Variants in LRBA observed in about 807,000 individuals in gnomAD.
LRBA encodes lipopolysaccharide-responsive and beige-like anchor protein.
Under a neutral mutation model 330.0 loss-of-function variants are expected in LRBA, and 176 were observed. The ratio of observed to expected loss-of-function variants is 0.53; its 90% CI spans 0.47 to 0.60. LRBA has a LOEUF of 0.60. Ranked by LOEUF, LRBA falls within the 20% of genes least tolerant of loss-of-function variation. The pLI is 0.00. For missense variants in LRBA, 3,259 were observed against 3,444.8 expected (o/e 0.95, Z 1.35); for synonymous variants, 1,230 against 1,193.0 (o/e 1.03, Z -0.64).
intron 37 of LRBA, among the ~76,000 whole-genome samples, chr4:150,622,616 A>G (rs994153520): frequency 3.3e-5 from 5 of 151,930 alleles, no homozygotes; most frequent in African/African-American, 4.8e-5. Context: ...CTTCCGGGGG[A>G]AAATGCGGGA....
intron 29 of LRBA, among the ~76,000 whole-genome samples, chr4:150,830,906 G>A (rs1389697125): frequency 6.6e-6 from 1 of 151,772 alleles, no homozygotes; most frequent in Non-Finnish European, 1.5e-5. Context: ...TGGGATTACA[G>A]GCACCCACCA....
chr4:150,382,756 A>C (rs986355340), intron 47 of LRBA, among the ~76,000 whole-genome samples: 1 of 152,200 alleles, frequency 6.6e-6, no homozygotes, highest in African/African-American at 2.4e-5. Flanking sequence ...ATTAACATAG[A>C]TCTTCAAAAG....
At chr4:150,339,488 C>T (rs1483393503) in intron 48 of LRBA, among the ~76,000 whole-genome samples, 1 of 152,164 alleles carries the variant, frequency 6.6e-6, no homozygotes, top group African/African-American at 2.4e-5. Flanking sequence ...GATTCTTTCC[C>T]CCTGAAAAGG....
intron 35 of LRBA, among the ~76,000 whole-genome samples, chr4:150,742,947 T>A (rs1420022199): frequency 6.6e-6 from 1 of 152,068 alleles, no homozygotes; most frequent in Non-Finnish European, 1.5e-5. Flanking sequence ...TAAACTTGGA[T>A]CCAAAGCAAT....
chr4:150,839,671 G>A (rs564823152), intron 28 of LRBA, among the ~76,000 whole-genome samples: 19 of 152,244 alleles, frequency 1.2e-4, no homozygotes, highest in Middle Eastern at 3.4e-3. Flanking sequence ...CTCACTCATA[G>A]GTGGGAATTG....
intron 2 of LRBA, among the ~76,000 whole-genome samples, chr4:151,008,078 TC>T (rs1744326832): frequency 6.6e-6 from 1 of 151,776 alleles, no homozygotes; most frequent in Non-Finnish European, 1.5e-5. Context: ...GAAGTTTTTT[TC>T]TTTTTTTTTT....
chr4:150,971,410 G>A (rs1242894043), intron 2 of LRBA, among the ~76,000 whole-genome samples: 2 of 152,088 alleles, frequency 1.3e-5, no homozygotes, highest in Non-Finnish European at 2.9e-5. Flanking sequence ...TCCTTCAGGG[G>A]TCTAGGCATT....
intron 29 of LRBA, among the ~76,000 whole-genome samples, chr4:150,830,720 C>G (rs1394599161): frequency 6.6e-6 from 1 of 151,702 alleles, no homozygotes; most frequent in Non-Finnish European, 1.5e-5. Flanking sequence ...TTATCCTTGC[C>G]CTCTACGCTA....
chr4:150,448,523 C>A (rs369196497), intron 44 of LRBA, among the ~76,000 whole-genome samples: 1 of 152,014 alleles, frequency 6.6e-6, no homozygotes, highest in Non-Finnish European at 1.5e-5. Context: ...AGAAGAAGGC[C>A]GGGCGTGGCG....
At chr4:150,272,998 C>A (rs1746322748) in intron 56 of LRBA, among the ~76,000 whole-genome samples, 1 of 151,940 alleles carries the variant, frequency 6.6e-6, no homozygotes, top group Non-Finnish European at 1.5e-5. Flanking sequence ...AACTCCAGGA[C>A]ACATAATCAT....
chr4:150,773,277 C>T lies in LRBA; in HGVS notation c.5581-11430G>A, dbSNP rs578057876. On this transcript the variant is annotated intron_variant, in intron 34 of 56. Coordinates refer to ENST00000651943, the MANE Select transcript of LRBA (RefSeq NM_001364905.1). ...AAATTATGACATACAGCTAGAAAGC[C>T]AGATACTCCTGACATAGAGCAGTTA... Among the ~76,000 whole-genome samples, 5 of 152,302 alleles carry T rather than the reference C, an allele frequency of 3.3e-5. No homozygotes were observed. The East Asian group carries it at 9.7e-4, about 29-fold the overall frequency.
Position 150,906,401 on chromosome 4 carries a change from T to C in LRBA, c.1498A>G (p.Thr500Ala). The C allele has an allele frequency of 1.3e-6, 2 of 1,581,448 alleles. No homozygotes were observed. The highest frequency in any genetic ancestry group is 1.3e-5 in the African/African-American group (1 of 74,144). ...SDEIDLTICS[T>A]LLAFIMELLK... Reference sequence around the variant, plus strand: ...AATTCCATGATAAAGGCCAGCAAGGTTGAACTAGAATTTTTTAAAAAGGCG... The same window carrying C: ...AATTCCATGATAAAGGCCAGCAAGGCTGAACTAGAATTTTTTAAAAAGGCG... The change falls in exon 12 of 57, where the codon ACC becomes GCC. Residue 500 changes from threonine (T) to alanine (A), a missense_variant. Thr to Ala is a moderately conservative substitution (Grantham distance 58, BLOSUM62 0). Coordinates refer to ENST00000651943, the MANE Select transcript of LRBA (RefSeq NM_001364905.1).
chr4:150,932,474 C>T (rs1042436758), intron 2 of LRBA, among the ~76,000 whole-genome samples: 2 of 151,824 alleles, frequency 1.3e-5, no homozygotes, highest in Non-Finnish European at 2.9e-5. Flanking sequence ...TAAAAATACA[C>T]TAATATACCA....
intron 14 of LRBA, among the ~76,000 whole-genome samples, chr4:150,899,358 G>A (rs1730473869): frequency 6.6e-6 from 1 of 152,172 alleles, no homozygotes; most frequent in African/African-American, 2.4e-5. Flanking sequence ...ATTGGCAAGT[G>A]CAGTGAGACA....
At chr4:150,782,503 C>T (rs2126599796) in intron 34 of LRBA, among the ~76,000 whole-genome samples, 1 of 152,288 alleles carries the variant, frequency 6.6e-6, no homozygotes, top group East Asian at 1.9e-4. Context: ...CTTCTGGTGG[C>T]TGTCAGCATT....
intron 40 of LRBA, among the ~76,000 whole-genome samples, chr4:150,523,987 A>G (rs1387738113): frequency 6.6e-6 from 1 of 152,188 alleles, no homozygotes; most frequent in Non-Finnish European, 1.5e-5. Flanking sequence ...TGGACTAACA[A>G]TTATTTTATC....
chr4:150,398,704 G>T (rs1351623423), intron 47 of LRBA, among the ~76,000 whole-genome samples: 2 of 151,592 alleles, frequency 1.3e-5, no homozygotes, highest in African/African-American at 4.8e-5. Context: ...ACAGCTCACT[G>T]CAGCCTCTAC....
intron 47 of LRBA, among the ~76,000 whole-genome samples, chr4:150,404,111 T>C (rs1351238237): frequency 6.6e-6 from 1 of 152,190 alleles, no homozygotes; most frequent in African/African-American, 2.4e-5. Context: ...ATTGATATCA[T>C]GAGCAGCCAC....
intron 37 of LRBA, among the ~76,000 whole-genome samples, chr4:150,623,084 T>A (rs184510273): frequency 6.6e-6 from 1 of 152,258 alleles, no homozygotes; most frequent in East Asian, 1.9e-4. Flanking sequence ...TAAAGGCATA[T>A]GTACTCTTGG....
Sources: allele counts gnomAD v4.1 joint callset (sites outside exome capture counted in the v4.1 genomes callset), GRCh38; gene constraint gnomAD v4.1.1; transcripts MANE v1.5; gene names NCBI Gene and HGNC (gene_info 2026-07-23, HGNC 2026-07-21).